CDKAL1: variants seen among roughly 807,000 people sequenced by gnomAD.
CDKAL1 encodes the protein CDKAL1 threonylcarbamoyladenosine tRNA methylthiotransferase, also known as threonylcarbamoyladenosine tRNA methylthiotransferase.
A neutral mutation model predicts 68.2 loss-of-function variants in CDKAL1; 32 were observed. The observed-to-expected ratio is 0.47, with a 90% confidence interval of 0.35 to 0.63. CDKAL1 has a LOEUF of 0.63. CDKAL1 is among the 30% of genes least tolerant of loss of function. The pLI is 0.00. For synonymous variants in CDKAL1, 234 were observed against 244.3 expected, an observed-to-expected ratio of 0.96 and a Z score of 0.39; for missense variants, 606 against 696.7, an observed-to-expected ratio of 0.87 and a Z score of 1.47.
At chr6:21,159,214 A>G (rs952315186) in intron 13 of CDKAL1, among the ~76,000 whole-genome samples, 3 of 151,646 alleles carry the variant, frequency 2.0e-5, no homozygotes, top group Admixed American at 6.6e-5. Flanking sequence ...TGATAAATAT[A>G]TTTCCAGGAT....
At chr6:20,935,642 C>A (rs1763669113) in intron 9 of CDKAL1, among the ~76,000 whole-genome samples, 1 of 152,152 alleles carries the variant, frequency 6.6e-6, no homozygotes, top group South Asian at 2.1e-4. Flanking sequence ...ATTGGCCAGA[C>A]TGGTCTCGAA....
At chr6:20,877,669 T>A (rs1760594483) in intron 9 of CDKAL1, among the ~76,000 whole-genome samples, 1 of 152,240 alleles carries the variant, frequency 6.6e-6, no homozygotes, top group Admixed American at 6.5e-5. Context: ...TTCTTACTCT[T>A]ACTCATGCAC....
chr6:20,752,091 C>G (rs1042837882), intron 6 of CDKAL1, among the ~76,000 whole-genome samples: 1 of 151,122 alleles, frequency 6.6e-6, no homozygotes, highest in Non-Finnish European at 1.5e-5. Context: ...TCCCCTGACT[C>G]TTCTCTCCGT....
chr6:20,810,333 T>C (rs147155257), intron 8 of CDKAL1, among the ~76,000 whole-genome samples: 2 of 151,876 alleles, frequency 1.3e-5, no homozygotes, highest in East Asian at 2.0e-4. Flanking sequence ...ATACCAGTTA[T>C]GTGTTTGAGA....
At chr6:21,092,278 G>A (rs112557852) in intron 12 of CDKAL1, among the ~76,000 whole-genome samples, 4,862 of 147,876 alleles carry the variant, frequency 0.033, 296 homozygotes, top group African/African-American at 0.12. Context: ...TTTAAGTTCC[G>A]GGATACATGT....
intron 4 of CDKAL1, chr6:20,559,315 A>G (rs937237886): frequency 4.6e-5 from 7 of 152,156 alleles, no homozygotes; most frequent in Non-Finnish European, 1.0e-4. Flanking sequence ...AACCTCGTTC[A>G]CTGTTGTGAA....
At chr6:20,832,212 G>A (rs1473844631) in intron 8 of CDKAL1, among the ~76,000 whole-genome samples, 2 of 152,080 alleles carry the variant, frequency 1.3e-5, no homozygotes, top group Non-Finnish European at 2.9e-5. Flanking sequence ...AAAATATAAG[G>A]TGAGAAATGC....
chr6:20,927,752 T>C (rs2150666357), intron 9 of CDKAL1, among the ~76,000 whole-genome samples: 1 of 152,172 alleles, frequency 6.6e-6, no homozygotes, highest in Non-Finnish European at 1.5e-5. Context: ...GGAATAATGT[T>C]TTTTTTTCCC....
chr6:20,591,983 T>C (rs1191833194), intron 4 of CDKAL1, among the ~76,000 whole-genome samples: 2 of 152,238 alleles, frequency 1.3e-5, no homozygotes, highest in Non-Finnish European at 2.9e-5. Flanking sequence ...TTTCATGATA[T>C]TGATTCTTCC....
At chr6:20,786,108 C>A (rs1200718087) in intron 8 of CDKAL1, among the ~76,000 whole-genome samples, 1 of 152,060 alleles carries the variant, frequency 6.6e-6, no homozygotes, top group Non-Finnish European at 1.5e-5. Flanking sequence ...GCCTGTAATC[C>A]CAGCTACTCG....
At chr6:20,884,788 C>T (rs1260357559) in intron 9 of CDKAL1, among the ~76,000 whole-genome samples, 1 of 151,834 alleles carries the variant, frequency 6.6e-6, no homozygotes, top group Non-Finnish European at 1.5e-5. Context: ...AATAAAATAC[C>T]TAGGAATAAA....
intron 9 of CDKAL1, among the ~76,000 whole-genome samples, chr6:20,947,720 G>A (rs1764318908): frequency 6.6e-6 from 1 of 152,306 alleles, no homozygotes; most frequent in South Asian, 2.1e-4. Context: ...TTAGCCTACA[G>A]TTGGGCAAAA....
chr6:21,046,268 G>A (rs139182213), intron 11 of CDKAL1, among the ~76,000 whole-genome samples: 12 of 152,296 alleles, frequency 7.9e-5, no homozygotes, highest in African/African-American at 2.6e-4. Flanking sequence ...TTTGGGGATG[G>A]TTGCAGTGTC....
Position 20,748,554 on chromosome 6 carries a change from G to GAAAAAAA in CDKAL1, c.468+8939_468+8940insAAAAAAA, listed in dbSNP as rs1773762406. Reference sequence around the variant, plus strand: ...GGAAAGAGAGCAAGACTCTGTTTCTGGAAAAAAAAAAAAAAAAAAAAAAAA... The same window carrying GAAAAAAA: ...GGAAAGAGAGCAAGACTCTGTTTCTGAAAAAAAGAAAAAAAAAAAAAAAAAAAAAAAA... On this transcript the variant is annotated intron_variant, in intron 6 of 15. Coordinates refer to ENST00000274695, the MANE Select transcript of CDKAL1 (RefSeq NM_017774.3). 7.8e-5 allele frequency among the ~76,000 whole-genome samples: 6 copies of GAAAAAAA among 77,106 alleles called. 1 individual carries two copies. The highest frequency in any genetic ancestry group is 2.9e-4 in the African/African-American group (6 of 20,998). The allele number at this position is 77,106 out of a possible 152,430, so 50.6% of individuals were successfully genotyped here.
At chr6:20,795,509 G>A (rs1776073367) in intron 8 of CDKAL1, among the ~76,000 whole-genome samples, 2 of 152,040 alleles carry the variant, frequency 1.3e-5, no homozygotes, top group South Asian at 4.2e-4. Context: ...TAATTCTCTT[G>A]GAATAGTGGT....
At chr6:21,170,847 G>C (rs986410468) in intron 13 of CDKAL1, among the ~76,000 whole-genome samples, 61 of 152,226 alleles carry the variant, frequency 4.0e-4, no homozygotes, top group African/African-American at 1.3e-3. Context: ...GGTACTGTTA[G>C]GCTATTTAGA....
chr6:20,908,251 A>G (rs1762318823), intron 9 of CDKAL1, among the ~76,000 whole-genome samples: 1 of 152,162 alleles, frequency 6.6e-6, no homozygotes, highest in African/African-American at 2.4e-5. Context: ...AGGTTAATGT[A>G]TTTTTCACTA....
At chr6:20,827,003 G>T (rs1777528661) in intron 8 of CDKAL1, among the ~76,000 whole-genome samples, 1 of 152,116 alleles carries the variant, frequency 6.6e-6, no homozygotes, top group South Asian at 2.1e-4. Context: ...TTCTAGCACA[G>T]TGGCTCATAG....
At chr6:20,777,871 A>G (rs1383523974) in intron 7 of CDKAL1, among the ~76,000 whole-genome samples, 1 of 152,198 alleles carries the variant, frequency 6.6e-6, no homozygotes, top group Non-Finnish European at 1.5e-5. Context: ...AGAAAATAGA[A>G]TAATTATTAC....
Sources: allele counts gnomAD v4.1 joint callset (sites outside exome capture counted in the v4.1 genomes callset), GRCh38; gene constraint gnomAD v4.1.1; transcripts MANE v1.5; gene names NCBI Gene and HGNC (gene_info 2026-07-23, HGNC 2026-07-21).